The following DNAH8 variants were observed in gnomAD, a reference collection of about 807,000 sequenced individuals.
The protein encoded by DNAH8 is axonemal beta dynein heavy chain 8.
Under a neutral mutation model 562.1 loss-of-function variants are expected in DNAH8, and 382 were observed. That is an observed-to-expected ratio of 0.68 (90% CI 0.63 to 0.74). The LOEUF is 0.74. DNAH8 is among the 30% of genes least tolerant of loss of function. The pLI, the probability that DNAH8 is intolerant of heterozygous loss-of-function variation, is 0.00. For synonymous variants in DNAH8, 1,881 were observed against 1,919.4 expected (o/e 0.98, Z 0.52); for missense variants, 5,203 against 5,620.4 (o/e 0.93, Z 2.37).
Position 38,921,380 on chromosome 6 carries a change from C to T in DNAH8, c.10536C>T (p.Ala3512=). 1.2e-6 allele frequency: 2 copies of T among 1,613,200 alleles called. No individual in the cohort carries two copies. Among genetic ancestry groups the T allele is most frequent in the African/African-American group, 1.3e-5 (1 of 75,000 alleles). Residue 3512 remains alanine (A), a synonymous_variant, in exon 71 of 93, where the codon GCC becomes GCT. Transcript: ENST00000327475. ...CTTCTTCTTTTCAGGCCAACCTGGC[C>T]AAGCAGGAAGGCCGGTTAGCAGTTG... ...REVLPLKANL[A]KQEGRLAVAN...
At chr6:38,718,528 A>G (rs80317267) in intron 1 of DNAH8, among the ~76,000 whole-genome samples, 4,679 of 152,284 alleles carry the variant, frequency 0.031, 242 homozygotes, top group African/African-American at 0.1. Flanking sequence ...TCCTTAAGGA[A>G]AATCTCTCCA....
intron 6 of DNAH8, 126 bp downstream of exon 6, chr6:38,737,382 C>G: frequency 2.0e-6 from 1 of 508,288 alleles, no homozygotes; most frequent in Non-Finnish European, 3.1e-6. Context: ...GACTTAGAGG[C>G]AAGAAATGAA....
intron 26 of DNAH8, among the ~76,000 whole-genome samples, chr6:38,819,762 A>G (rs1772646473): frequency 6.6e-6 from 1 of 152,170 alleles, no homozygotes; most frequent in Non-Finnish European, 1.5e-5. Context: ...GTTACAACCA[A>G]TAAGTTCAGT....
At chr6:38,793,020 G>A (rs1187168504) in intron 21 of DNAH8, among the ~76,000 whole-genome samples, 19 of 152,076 alleles carry the variant, frequency 1.2e-4, no homozygotes, top group African/African-American at 4.1e-4. Context: ...GAACTCAAGC[G>A]ATCCACCCAC....
At chr6:38,850,791 G>T (rs1338089983) in intron 38 of DNAH8, among the ~76,000 whole-genome samples, 3 of 152,118 alleles carry the variant, frequency 2.0e-5, no homozygotes, top group Non-Finnish European at 2.9e-5. Flanking sequence ...CTTGGTTCAT[G>T]CCTTCATAAC....
intron 53 of DNAH8, among the ~76,000 whole-genome samples, chr6:38,878,633 A>G (rs902479560): frequency 1.3e-5 from 2 of 152,202 alleles, no homozygotes; most frequent in Non-Finnish European, 2.9e-5. Flanking sequence ...TGAAAGAGAG[A>G]ACATCACTAC....
At chr6:38,722,583 GGTGT>G (rs972274305) in intron 1 of DNAH8, among the ~76,000 whole-genome samples, 189 bp from the exon 2 acceptor site, 2 of 149,024 alleles carry the variant, frequency 1.3e-5, no homozygotes, top group Non-Finnish European at 3.0e-5. Context: ...GGTGGGTGGG[GGTGT>G]GTGTGTGTGT....
chr6:38,992,419 T>G (rs1764857726), intron 88 of DNAH8, among the ~76,000 whole-genome samples: 1 of 152,210 alleles, frequency 6.6e-6, no homozygotes, highest in Non-Finnish European at 1.5e-5. Context: ...ATTTGTTGAC[T>G]GATCAGTGCT....
At chr6:38,899,946 A>T (rs765909809) in intron 62 of DNAH8, 40 bp downstream of exon 62, 1 of 1,461,762 alleles carries the variant, frequency 6.8e-7, no homozygotes, top group Non-Finnish European at 9.1e-7. Context: ...TCTATAGTTA[A>T]TTTCTCTATA....
chr6:38,919,044 A>G (rs1583351154), intron 70 of DNAH8, among the ~76,000 whole-genome samples: 2 of 152,178 alleles, frequency 1.3e-5, no homozygotes, highest in Admixed American at 6.5e-5. Context: ...ACACACCCCA[A>G]CAAAAAGATA....
At chr6:38,844,454 A>C (rs1023497771) in intron 35 of DNAH8, among the ~76,000 whole-genome samples, 2 of 152,186 alleles carry the variant, frequency 1.3e-5, no homozygotes, top group Admixed American at 6.5e-5. Context: ...CTTTTTAACA[A>C]CATGTGTGCA....
chr6:38,770,330 G>A, intron 11 of DNAH8, 83 bp from the exon 12 acceptor site: 1 of 822,558 alleles, frequency 1.2e-6, no homozygotes, highest in Non-Finnish European at 1.9e-6. Flanking sequence ...GATCAGTTCT[G>A]TGTGAGGGTA....
At chr6:39,029,865 C>A (rs1290570332) in intron 92 of DNAH8, among the ~76,000 whole-genome samples, 1 of 152,164 alleles carries the variant, frequency 6.6e-6, no homozygotes, top group African/African-American at 2.4e-5. Flanking sequence ...GGCCACCCCA[C>A]ACTTAAATAA....
intron 66 of DNAH8, among the ~76,000 whole-genome samples, chr6:38,913,212 C>G (rs1291247010): frequency 6.6e-6 from 1 of 152,190 alleles, no homozygotes. Flanking sequence ...AGCCTGAAAT[C>G]AGCCATGGTG....
chr6:38,721,463 C>T (rs1261051108), intron 1 of DNAH8, among the ~76,000 whole-genome samples: 4 of 151,746 alleles, frequency 2.6e-5, no homozygotes, highest in Non-Finnish European at 4.4e-5. Context: ...TATGATCACG[C>T]CACTGCACCC....
chr6:38,943,485 T>C (rs914896451), intron 79 of DNAH8, among the ~76,000 whole-genome samples: 1 of 151,990 alleles, frequency 6.6e-6, no homozygotes, highest in African/African-American at 2.4e-5. Context: ...AGTGACAGGT[T>C]TTTTTTGTTT....
intron 10 of DNAH8, 70 bp downstream of exon 10, chr6:38,756,149 T>C: frequency 1.0e-6 from 1 of 974,912 alleles, no homozygotes; most frequent in Non-Finnish European, 1.6e-6. Context: ...TTCTGAGCCC[T>C]AGGAAGGGAA....
intron 91 of DNAH8, among the ~76,000 whole-genome samples, chr6:39,023,996 C>T (rs1412706615): frequency 6.6e-6 from 1 of 152,208 alleles, no homozygotes; most frequent in African/African-American, 2.4e-5. Flanking sequence ...GAGTGCCTCT[C>T]CCCATTAGGG....
rs764614497 is a variant in DNAH8 at position 38,926,224 on chromosome 6, G to GCATTTCCC, written c.11118+14_11118+15insCATTTCCC. Reference sequence around the variant, plus strand: ...AATGATTTACAGGTATGTAGCATTTGGTGCAGGGGAAAGTAATCTTGAAAT... The same window carrying GCATTTCCC: ...AATGATTTACAGGTATGTAGCATTTGCATTTCCCGTGCAGGGGAAAGTAATCTTGAAAT... On this transcript the variant is annotated intron_variant, in intron 74 of 92. Coordinates refer to ENST00000327475, the MANE Select transcript of DNAH8 (RefSeq NM_001206927.2). The GCATTTCCC allele has an allele frequency of 6.2e-7, 1 of 1,608,622 alleles. No homozygotes were observed.
Sources: allele counts gnomAD v4.1 joint callset (sites outside exome capture counted in the v4.1 genomes callset), GRCh38; gene constraint gnomAD v4.1.1; transcripts MANE v1.5; gene names NCBI Gene and HGNC (gene_info 2026-07-23, HGNC 2026-07-21).